Variants in C12orf57 observed in about 807,000 individuals in gnomAD.
C12orf57 encodes the protein protein C10.
Under a neutral mutation model 11.3 loss-of-function variants are expected in C12orf57, and 14 were observed. The ratio of observed to expected loss-of-function variants is 1.24; its 90% confidence interval spans 0.82 to 1.94. The LOEUF is 1.94. Among genes scored for constraint, C12orf57 ranks in the 30% most tolerant of loss-of-function variants. The pLI, the probability that C12orf57 is intolerant of heterozygous loss-of-function variation, is 0.00. For missense variants in C12orf57, 229 were observed against 172.4 expected, an observed-to-expected ratio of 1.33 and a Z score of -1.84; for synonymous variants, 100 against 74.6, an observed-to-expected ratio of 1.34 and a Z score of -1.76.
upstream of C12orf57, chr12:6,943,971 A>G (rs1418032021): frequency 1.3e-5 from 21 of 1,560,290 alleles, no homozygotes; most frequent in African/African-American, 4.1e-5. Context: ...AGCTTGGGGT[A>G]TGAAGGTTTG....
chr12:6,943,620 G>A, upstream of C12orf57: 1 of 1,289,630 alleles, frequency 7.8e-7, no homozygotes, highest in Non-Finnish European at 1.0e-6. Context: ...ATTTGCATGG[G>A]CTGAGAACAA....
At chr12:6,944,852 A>G (rs1222104181) in intron 2 of C12orf57, 200 bp downstream of exon 2, 12 of 1,432,196 alleles carry the variant, frequency 8.4e-6, no homozygotes, top group Non-Finnish European at 1.1e-5. Flanking sequence ...TGTACAGTAG[A>G]GGTTCTGTAT....
chr12:6,943,913 C>T (rs79312103), upstream of C12orf57: 1,643 of 1,225,596 alleles, frequency 1.3e-3, 2 homozygotes, highest in East Asian at 2.7e-3. Context: ...AGATTGTTTT[C>T]ACTGTGCAAA....
At position 6,945,868 on chromosome 12, in the gene C12orf57, C is replaced by G. The variant is rs1555146515; in HGVS notation, c.327C>G (p.Pro109=). 1 of 1,613,692 alleles carries G rather than the reference C, an allele frequency of 6.2e-7. No homozygotes were observed. Among genetic ancestry groups the G allele is most frequent in the Non-Finnish European group, 8.5e-7 (1 of 1,179,890 alleles). Residue 109 remains proline (P), a synonymous_variant, in exon 3 of 3, where the codon CCC becomes CCG. Transcript: ENST00000229281. ...AGCTGAAGGCGCTGTTTCTGCCGCCCATGACCCTGCCACCCCATGGGCCTG... is the reference window on the plus strand; with the variant it reads ...AGCTGAAGGCGCTGTTTCTGCCGCCGATGACCCTGCCACCCCATGGGCCTG... ...SGKLKALFLP[P]MTLPPHGPAA...
At chr12:6,943,867 C>G (rs149374821), upstream of C12orf57, 87 of 939,360 alleles carry the variant, frequency 9.3e-5, no homozygotes, top group South Asian at 4.9e-4. Context: ...GGCTTTTTAC[C>G]GGAAAGCCCC....
Position 6,944,155 on chromosome 12 carries a change from A to C in C12orf57, c.34A>C (p.Ser12Arg). ...ASASTQPAAL[S>R]AEQAKVVLAE... ...CGCCTCGACCCAACCGGCGGCCTTG[A>C]GCGCTGAGCAAGCAAAGGGTGAGAA... is the stretch of plus-strand genomic sequence containing the variant. Residue 12 changes from serine to arginine, a missense_variant, in exon 1 of 3, where the codon AGC (serine) becomes CGC (arginine). Ser to Arg is a moderately radical substitution (Grantham distance 110, BLOSUM62 -1). Transcript: ENST00000229281. The C allele has an allele frequency of 6.2e-7, 1 of 1,614,204 alleles. No homozygotes were observed. Among genetic ancestry groups the C allele is most frequent in the Non-Finnish European group, 8.5e-7 (1 of 1,180,022 alleles).
In C12orf57 at chr12:6,944,126, C is replaced by T. The variant is rs376233498; in HGVS notation, c.5C>T (p.Ala2Val). Residue 2 changes from alanine (A) to valine (V), a missense_variant, in exon 1 of 3, where the codon GCG becomes GTG. By Grantham distance (64) the Ala-to-Val change is moderately conservative. Transcript: ENST00000229281. M[A>V]SASTQPAALS... The stretch of plus-strand genomic sequence containing the variant: ...ACCTAGAGCTTCAGACGCCCTATGG[C>T]GTCCGCCTCGACCCAACCGGCGGCC... The T allele has an allele frequency of 2.5e-6, 4 of 1,614,134 alleles. No individual in the cohort carries two copies. The highest frequency in any genetic ancestry group is 1.7e-5 in the Admixed American group (1 of 60,012).
Position 6,945,821 on chromosome 12 carries a change from G to C in C12orf57, c.280G>C (p.Glu94Gln). 1 of 1,613,842 alleles carries C rather than the reference G, an allele frequency of 6.2e-7. No individual in the cohort carries two copies. The highest frequency in any genetic ancestry group is 8.5e-7 in the Non-Finnish European group (1 of 1,179,908). ...CAAGTCCTACGAAGCCCAGGATCCTGAGATCGCCAGCCTGTCAGGCAAGCT... is the reference window on the plus strand; with the variant it reads ...CAAGTCCTACGAAGCCCAGGATCCTCAGATCGCCAGCCTGTCAGGCAAGCT... ...LVKSYEAQDP[E>Q]IASLSGKLKA... is the part of the protein sequence containing the mutation. The change falls in exon 3 of 3, where the codon GAG becomes CAG. Residue 94 changes from glutamate to glutamine, a missense_variant. Physicochemically the swap from Glu to Gln is conservative, Grantham distance 29. Coordinates refer to ENST00000229281, the MANE Select transcript of C12orf57 (RefSeq NM_138425.4).
At position 6,944,120 on chromosome 12, in the gene C12orf57, C is replaced by T. The variant is rs14633; in HGVS notation, c.-2C>T. ...CGCTGAACCTAGAGCTTCAGACGCC[C>T]TATGGCGTCCGCCTCGACCCAACCG... On this transcript the variant is annotated 5_prime_UTR_variant, in exon 1 of 3. Transcript: ENST00000229281. 4.0e-5 allele frequency: 64 copies of T among 1,614,114 alleles called. No homozygotes were observed. Among genetic ancestry groups the T allele is most frequent in the Middle Eastern group, 1.6e-4 (1 of 6,084 alleles).
rs1415273487 is a variant in C12orf57 at position 6,944,125 on chromosome 12, G to A, written c.4G>A (p.Ala2Thr). 5.0e-6 allele frequency: 8 copies of A among 1,614,216 alleles called. No homozygotes were observed. Among genetic ancestry groups the A allele is most frequent in the Non-Finnish European group, 5.9e-6 (7 of 1,180,022 alleles). Residue 2 changes from alanine (A) to threonine (T), a missense_variant, in exon 1 of 3, where the codon GCG (alanine) becomes ACG (threonine). Coordinates refer to ENST00000229281, the MANE Select transcript of C12orf57 (RefSeq NM_138425.4). ...AACCTAGAGCTTCAGACGCCCTATG[G>A]CGTCCGCCTCGACCCAACCGGCGGC... is the stretch of plus-strand genomic sequence containing the variant. M[A>T]SASTQPAALS...
chr12:6,945,914 G>A lies in C12orf57; in HGVS notation c.373G>A (p.Ala125Thr), dbSNP rs374751929. 5 of 1,610,886 alleles carry A rather than the reference G, an allele frequency of 3.1e-6. No homozygotes were observed. Among genetic ancestry groups the A allele is most frequent in the African/African-American group, 2.7e-5 (2 of 74,898 alleles). Reference protein sequence around the residue: ...HGPAAGGSVAAS With the variant: ...HGPAAGGSVATS ...GCCTGCTGCTGGTGGCAGCGTGGCC[G>A]CCTCCTGAGAGTTGGCCCTCCCTTG... Residue 125 changes from alanine to threonine, a missense_variant, in exon 3 of 3, where the codon GCC becomes ACC. Coordinates refer to ENST00000229281, the MANE Select transcript of C12orf57 (RefSeq NM_138425.4).
At chr12:6,943,636 C>G, upstream of C12orf57, 4 of 1,288,854 alleles carry the variant, frequency 3.1e-6, no homozygotes, top group Non-Finnish European at 4.0e-6. Flanking sequence ...AACAAATGTT[C>G]GCGAACTCTA....
intron 2 of C12orf57, among the ~76,000 whole-genome samples, chr12:6,945,368 G>T (rs967284828): frequency 9.2e-5 from 14 of 152,128 alleles, no homozygotes; most frequent in East Asian, 1.9e-4. Context: ...TTTTGTTTGG[G>T]GGGGGTTGGT....
upstream of C12orf57, chr12:6,943,968 G>A (rs181736118): frequency 1.7e-3 from 2,677 of 1,552,682 alleles, 9 homozygotes; most frequent in South Asian, 2.0e-3. Context: ...GTAAGCTTGG[G>A]GTATGAAGGT....
upstream of C12orf57, chr12:6,943,828 T>C (rs781988301): frequency 9.3e-6 from 8 of 862,980 alleles, no homozygotes; most frequent in Non-Finnish European, 6.6e-6. Context: ...GTGTTACAGC[T>C]CTTTTAGAAT....
intron 1 of C12orf57, 86 bp from the exon 2 acceptor site, chr12:6,944,390 C>G: frequency 6.4e-7 from 1 of 1,562,050 alleles, no homozygotes; most frequent in Non-Finnish European, 8.7e-7. Context: ...CCTCAATCCA[C>G]TAATTCCTTG....
At chr12:6,943,870 A>AAAGCCCCTCTTATGAT, upstream of C12orf57, 2 of 956,492 alleles carry the variant, frequency 2.1e-6, no homozygotes, top group East Asian at 3.0e-5. Flanking sequence ...TTTTTACCGG[A>AAAGCCCCTCTTATGAT]AAGCCCCTCT....
In C12orf57 at chr12:6,945,770, G is replaced by A. The variant is rs1945790482; in HGVS notation, c.230-1G>A. On this transcript the variant is annotated splice_acceptor_variant, in intron 2 of 2. Coordinates refer to ENST00000229281, the MANE Select transcript of C12orf57 (RefSeq NM_138425.4). LOFTEE classifies it high-confidence loss of function. ...GGTTGACCTTCCACTCCCTCTTGCA[G>A]GTGTCCTTAAGTTTGCTCGCTTGGT... is the stretch of plus-strand genomic sequence containing the variant. 1 of 1,613,424 alleles carries A rather than the reference G, an allele frequency of 6.2e-7. No homozygotes were observed. The highest frequency in any genetic ancestry group is 1.7e-5 in the Admixed American group (1 of 59,890).
chr12:6,945,728 C>T, intron 2 of C12orf57, 43 bp from the exon 3 acceptor site: 2 of 1,605,420 alleles, frequency 1.2e-6, no homozygotes, highest in Non-Finnish European at 1.7e-6. Context: ...CTTAGGCACG[C>T]TGGTCCTTAG....
Sources: allele counts gnomAD v4.1 joint callset (sites outside exome capture counted in the v4.1 genomes callset), GRCh38; gene constraint gnomAD v4.1.1; transcripts MANE v1.5; gene names NCBI Gene and HGNC (gene_info 2026-07-23, HGNC 2026-07-21).